The following DPP6 variants were observed in gnomAD, a reference collection of about 807,000 sequenced individuals.
DPP6 encodes A-type potassium channel modulatory protein DPP6.
A neutral mutation model predicts 122.6 loss-of-function variants in DPP6; 69 were observed. The observed-to-expected ratio is 0.56, with a 90% CI of 0.46 to 0.69. The LOEUF (loss-of-function observed/expected upper bound fraction) is 0.69. Ranked by LOEUF, DPP6 falls within the 30% of genes least tolerant of loss-of-function variation. The pLI, the probability that DPP6 is intolerant of heterozygous loss-of-function variation, is 0.00. For synonymous variants in DPP6, 418 were observed against 433.1 expected, an observed-to-expected ratio of 0.97 and a Z score of 0.43; for missense variants, 928 against 1,116.9, an observed-to-expected ratio of 0.83 and a Z score of 2.41.
the DPP6 span, among the ~76,000 whole-genome samples, chr7:153,862,907 T>C: frequency 1.3e-5 from 2 of 152,068 alleles, no homozygotes; most frequent in Admixed American, 1.3e-4. Context: ...AAAAAAATCA[T>C]GCAAATCAAT....
At chr7:154,209,022 C>T (rs1563320072) in intron 1 of DPP6, among the ~76,000 whole-genome samples, 3 of 152,176 alleles carry the variant, frequency 2.0e-5, no homozygotes, top group African/African-American at 4.8e-5. Context: ...AATTTAAGAA[C>T]GTGCTCAGCA....
chr7:154,001,531 C>T (rs1428428319), intron 1 of DPP6, among the ~76,000 whole-genome samples: 2 of 151,310 alleles, frequency 1.3e-5, no homozygotes, highest in Non-Finnish European at 2.9e-5. Flanking sequence ...TCCCCACCCT[C>T]GGGCATGCTT....
intron 7 of DPP6, among the ~76,000 whole-genome samples, chr7:154,703,001 T>G (rs1840610466): frequency 6.6e-6 from 1 of 152,218 alleles, no homozygotes; most frequent in Non-Finnish European, 1.5e-5. Flanking sequence ...TCATTTACCA[T>G]TCTGAAAATC....
chr7:154,823,762 C>T (rs1215614298), intron 16 of DPP6, among the ~76,000 whole-genome samples: 1 of 152,128 alleles, frequency 6.6e-6, no homozygotes, highest in Non-Finnish European at 1.5e-5. Flanking sequence ...AGGTCCTTGC[C>T]AGTTTAAGAG....
the DPP6 span, among the ~76,000 whole-genome samples, chr7:153,855,587 T>C: frequency 6.6e-6 from 1 of 152,198 alleles, no homozygotes; most frequent in African/African-American, 2.4e-5. Context: ...TTTGGTTAGC[T>C]TAGTGATCAG....
the DPP6 span, among the ~76,000 whole-genome samples, chr7:153,799,917 A>C: frequency 1.3e-5 from 2 of 152,224 alleles, no homozygotes; most frequent in Non-Finnish European, 2.9e-5. Context: ...GACAAAAAAT[A>C]GCATATCTGG....
the DPP6 span, among the ~76,000 whole-genome samples, chr7:153,762,290 C>A: frequency 2.0e-4 from 30 of 152,134 alleles, no homozygotes; most frequent in Non-Finnish European, 3.7e-4. Flanking sequence ...CCTGAGAAAT[C>A]ATAAAGAGCA....
intron 10 of DPP6, among the ~76,000 whole-genome samples, chr7:154,790,888 A>G (rs114048888): frequency 0.023 from 3,542 of 151,630 alleles, 138 homozygotes; most frequent in African/African-American, 0.08. Context: ...GAGATGATCT[A>G]GCACTCACTT....
intron 1 of DPP6, among the ~76,000 whole-genome samples, chr7:154,171,812 T>TATATA (rs1797545447): frequency 6.6e-6 from 1 of 151,238 alleles, no homozygotes; most frequent in African/African-American, 2.4e-5. Context: ...CCCACCATTC[T>TATATA]TATATGATAT....
At chr7:154,515,470 T>A (rs1266264781) in intron 3 of DPP6, among the ~76,000 whole-genome samples, 1 of 151,784 alleles carries the variant, frequency 6.6e-6, no homozygotes, top group Non-Finnish European at 1.5e-5. Context: ...CTACCTTCCT[T>A]CCTTCCTTCC....
rs910096769 is a variant in DPP6 at position 154,036,294 on chromosome 7, G to T, written c.51+148560G>T. Among the ~76,000 whole-genome samples the T allele has an allele frequency of 1.3e-3, 145 of 108,400 alleles. 1 individual carries two copies. Among genetic ancestry groups the T allele is most frequent in the African/African-American group, 5.2e-3 (138 of 26,584 alleles). The allele number at this position is 108,400 out of a possible 152,430, so 71.1% of individuals were successfully genotyped here. ...CCTGGCTAATATTTATATTTTTAGC[G>T]GGGGGTTGGGGGCGGGGGGATTCAC... is the stretch of plus-strand genomic sequence containing the variant. On this transcript the variant is annotated intron_variant, in intron 1 of 25. Transcript: ENST00000404039.
chr7:153,908,836 C>T (rs1585015595), intron 1 of DPP6, among the ~76,000 whole-genome samples: 1 of 152,268 alleles, frequency 6.6e-6, no homozygotes, highest in Non-Finnish European at 1.5e-5. Context: ...TCACTGCAAC[C>T]TCCGCCTCCC....
At chr7:154,518,583 T>A (rs1248432279) in intron 3 of DPP6, among the ~76,000 whole-genome samples, 1 of 152,140 alleles carries the variant, frequency 6.6e-6, no homozygotes, top group Non-Finnish European at 1.5e-5. Context: ...ATTGGAAGTA[T>A]GTGAAATGGG....
At position 154,461,542 on chromosome 7, in the gene DPP6, T is replaced by G. The variant is rs370983104; in HGVS notation, c.359-13397T>G. 5.2e-4 allele frequency among the ~76,000 whole-genome samples: 79 copies of G among 152,340 alleles called. 2 individuals are homozygous for G. In the East Asian group the frequency reaches 0.013, roughly 26 times the overall value. ...TTGTCAGCATTTGTTATTGAATGTC[T>G]TTTGGATATGAGCCTTTTTAACTGG... On this transcript the variant is annotated intron_variant, in intron 2 of 25. Transcript: ENST00000377770.
chr7:154,023,892 G>A (rs1206188125), intron 1 of DPP6, among the ~76,000 whole-genome samples: 3 of 152,120 alleles, frequency 2.0e-5, no homozygotes, highest in African/African-American at 7.2e-5. Context: ...TAGGAAAGAT[G>A]CATCTGTCTC....
At chr7:154,442,425 A>G (rs1386320542) in intron 1 of DPP6, among the ~76,000 whole-genome samples, 1 of 152,174 alleles carries the variant, frequency 6.6e-6, no homozygotes, top group East Asian at 1.9e-4. Flanking sequence ...AAGACTTCCT[A>G]CGATGTCAGA....
chr7:154,431,760 C>T (rs1586252494), intron 1 of DPP6, among the ~76,000 whole-genome samples: 1 of 152,176 alleles, frequency 6.6e-6, no homozygotes, highest in East Asian at 1.9e-4. Flanking sequence ...GTCTCAAACT[C>T]CTGACCTCGT....
At chr7:154,293,736 G>T (rs971139304) in intron 1 of DPP6, among the ~76,000 whole-genome samples, 2 of 152,196 alleles carry the variant, frequency 1.3e-5, no homozygotes, top group Non-Finnish European at 2.9e-5. Flanking sequence ...TTGCAATTCT[G>T]TCTGCATTGC....
At chr7:153,918,344 G>A (rs1446214114) in intron 1 of DPP6, among the ~76,000 whole-genome samples, 1 of 151,166 alleles carries the variant, frequency 6.6e-6, no homozygotes, top group African/African-American at 2.4e-5. Context: ...TTTTTCAGTT[G>A]GATATCTTTT....
Sources: allele counts gnomAD v4.1 joint callset (sites outside exome capture counted in the v4.1 genomes callset), GRCh38; gene constraint gnomAD v4.1.1; transcripts MANE v1.5; gene names NCBI Gene and HGNC (gene_info 2026-07-23, HGNC 2026-07-21).